LINGO2: variants seen among roughly 807,000 people sequenced by gnomAD.
LINGO2 encodes the protein leucine rich repeat and Ig domain containing 2, also known as leucine-rich repeat and immunoglobulin-like domain-containing nogo receptor-interacting protein 2.
LINGO2 carries 14 observed loss-of-function variants against 30.6 expected under a neutral mutation model. The ratio of observed to expected loss-of-function variants is 0.46; its 90% CI spans 0.30 to 0.72. The LOEUF (loss-of-function observed/expected upper bound fraction) is 0.72, where lower values mean the gene tolerates loss of function less well. Among genes scored for constraint, LINGO2 ranks in the 30% least tolerant of loss-of-function variants. LINGO2 has a pLI of 0.07. For missense variants in LINGO2, 729 were observed against 751.7 expected (o/e 0.97, Z 0.35); for synonymous variants, 317 against 288.5 (o/e 1.10, Z -1.00).
At chr9:28,337,120 T>G (rs1258779291) in intron 3 of LINGO2, among the ~76,000 whole-genome samples, 1 of 149,746 alleles carries the variant, frequency 6.7e-6, no homozygotes, top group Non-Finnish European at 1.5e-5. Flanking sequence ...AATATGTATA[T>G]AGAGAAATTC....
intron 4 of LINGO2, among the ~76,000 whole-genome samples, chr9:28,075,661 G>A (rs1308948799): frequency 2.0e-5 from 3 of 151,950 alleles, no homozygotes; most frequent in Admixed American, 6.6e-5. Context: ...ACATGAGACT[G>A]AATATCTTTT....
At chr9:28,175,789 T>A (rs1000910597) in intron 4 of LINGO2, among the ~76,000 whole-genome samples, 1 of 152,188 alleles carries the variant, frequency 6.6e-6, no homozygotes, top group Non-Finnish European at 1.5e-5. Flanking sequence ...TATTACAATG[T>A]TAATTCTAGA....
chr9:28,449,916 C>A (rs1042318356), intron 2 of LINGO2, among the ~76,000 whole-genome samples: 1 of 151,962 alleles, frequency 6.6e-6, no homozygotes, highest in Non-Finnish European at 1.5e-5. Flanking sequence ...TGACTATAGC[C>A]AAATCTCATT....
At chr9:29,001,697 A>C in the LINGO2 span, among the ~76,000 whole-genome samples, 1 of 152,020 alleles carries the variant, frequency 6.6e-6, no homozygotes, top group African/African-American at 2.4e-5. Context: ...CACAGCAATT[A>C]TTCATGAGTC....
chr9:28,179,998 C>G (rs1828867710), intron 4 of LINGO2, among the ~76,000 whole-genome samples: 1 of 152,058 alleles, frequency 6.6e-6, no homozygotes, highest in Non-Finnish European at 1.5e-5. Context: ...TAGGTAACCA[C>G]TGCCTCAAAA....
At chr9:28,391,604 CGTGTGTGT>C (rs35676869) in intron 2 of LINGO2, among the ~76,000 whole-genome samples, 12 of 147,838 alleles carry the variant, frequency 8.1e-5, no homozygotes, top group Admixed American at 1.3e-4. Context: ...TTTATGTTTG[CGTGTGTGT>C]GTGTGTGTGT....
At chr9:29,087,951 G>A in the LINGO2 span, among the ~76,000 whole-genome samples, 2 of 152,050 alleles carry the variant, frequency 1.3e-5, no homozygotes, top group African/African-American at 2.4e-5. Context: ...AATGAGATAA[G>A]TTATATGCTG....
intron 1 of LINGO2, among the ~76,000 whole-genome samples, chr9:28,577,313 G>A (rs1563837739): frequency 6.6e-6 from 1 of 151,956 alleles, no homozygotes; most frequent in Non-Finnish European, 1.5e-5. Flanking sequence ...TCAGACTTTT[G>A]CATTTCTGAA....
chr9:28,218,234 A>G (rs1270754645), intron 4 of LINGO2, among the ~76,000 whole-genome samples: 1 of 151,140 alleles, frequency 6.6e-6, no homozygotes, highest in Non-Finnish European at 1.5e-5. Flanking sequence ...CAATAACTCT[A>G]TTATACAGTT....
At chr9:28,955,877 A>G in the LINGO2 span, among the ~76,000 whole-genome samples, 1 of 151,970 alleles carries the variant, frequency 6.6e-6, no homozygotes, top group Non-Finnish European at 1.5e-5. Context: ...TCCTGGCCAC[A>G]AGCAATCCTC....
the LINGO2 span, among the ~76,000 whole-genome samples, chr9:28,997,700 A>C: frequency 1.3e-5 from 2 of 152,018 alleles, no homozygotes; most frequent in East Asian, 3.9e-4. Flanking sequence ...GTGGGCACCT[A>C]TAGTCCCTGC....
chr9:28,567,783 T>G (rs925333161), intron 1 of LINGO2, among the ~76,000 whole-genome samples: 1 of 148,346 alleles, frequency 6.7e-6, no homozygotes, highest in African/African-American at 2.6e-5. Context: ...GCACATGTAC[T>G]TCCTGAATCT....
chr9:28,273,111 G>A (rs1330801307), intron 4 of LINGO2, among the ~76,000 whole-genome samples: 2 of 152,104 alleles, frequency 1.3e-5, no homozygotes, highest in East Asian at 1.9e-4. Flanking sequence ...ATATCTGTGG[G>A]CTGATTTGTT....
intron 1 of LINGO2, among the ~76,000 whole-genome samples, chr9:28,632,029 C>A (rs62548190): frequency 0.08 from 12,106 of 152,112 alleles, 677 homozygotes; most frequent in Admixed American, 0.2. Flanking sequence ...AAATAGATGT[C>A]AACATCCAGT....
intron 4 of LINGO2, among the ~76,000 whole-genome samples, chr9:28,101,911 AT>A (rs1351919343): frequency 6.6e-6 from 1 of 152,118 alleles, no homozygotes; most frequent in Non-Finnish European, 1.5e-5. Context: ...CCCTGGGATA[AT>A]TTATTTTGAC....
chr9:28,792,222 G>A, the LINGO2 span, among the ~76,000 whole-genome samples: 10 of 151,866 alleles, frequency 6.6e-5, no homozygotes, highest in Admixed American at 1.3e-4. Flanking sequence ...AGGCTTACAG[G>A]CTAGGATAAG....
At chr9:28,724,059 A>T in the LINGO2 span, among the ~76,000 whole-genome samples, 1 of 152,170 alleles carries the variant, frequency 6.6e-6, no homozygotes, top group Admixed American at 6.6e-5. Flanking sequence ...TATAAAGAAG[A>T]TAAATTAAGG....
Position 28,351,648 on chromosome 9 carries a change from T to C in LINGO2, c.-246+21188A>G, listed in dbSNP as rs964392876. On this transcript the variant is annotated intron_variant, in intron 3 of 5. Transcript: ENST00000379992. ...AGAGGGAATCCTCCCTAACTCATTT[T>C]ATGAGGCCAGCATCATTCTGATACC... Among the ~76,000 whole-genome samples, 99 of 147,762 alleles carry C rather than the reference T, an allele frequency of 6.7e-4. 1 individual carries two copies. Among genetic ancestry groups the C allele is most frequent in the African/African-American group, 2.2e-3 (89 of 39,776 alleles).
the LINGO2 span, among the ~76,000 whole-genome samples, chr9:28,859,501 T>G: frequency 6.6e-6 from 1 of 152,116 alleles, no homozygotes; most frequent in African/African-American, 2.4e-5. Context: ...ATATTTCCCT[T>G]ATTCTAAGTA....
Sources: allele counts gnomAD v4.1 joint callset (sites outside exome capture counted in the v4.1 genomes callset), GRCh38; gene constraint gnomAD v4.1.1; transcripts MANE v1.5; gene names NCBI Gene and HGNC (gene_info 2026-07-23, HGNC 2026-07-21).